The following HCRTR2 variants were observed in gnomAD, a reference collection of about 807,000 sequenced individuals.
The protein encoded by HCRTR2 is orexin receptor type 2.
Under a neutral mutation model 49.0 loss-of-function variants are expected in HCRTR2, and 22 were observed. The ratio of observed to expected loss-of-function variants is 0.45; its 90% CI spans 0.32 to 0.64. HCRTR2 has a LOEUF of 0.64. Among genes scored for constraint, HCRTR2 ranks in the 30% least tolerant of loss-of-function variants. HCRTR2 has a pLI of 0.04. For missense variants in HCRTR2, 491 were observed against 559.4 expected, an observed-to-expected ratio of 0.88 and a Z score of 1.23; for synonymous variants, 236 against 205.3, an observed-to-expected ratio of 1.15 and a Z score of -1.28.
intron 1 of HCRTR2, among the ~76,000 whole-genome samples, chr6:55,214,148 C>CCA (rs1266865755): frequency 7.9e-5 from 12 of 152,182 alleles, no homozygotes; most frequent in Admixed American, 2.6e-4. Context: ...GAAGAGATTA[C>CCA]AAGCTCCTGA....
At chr6:55,121,652 T>C (rs1400665103) in intron 1 of HCRTR2, among the ~76,000 whole-genome samples, 2 of 152,176 alleles carry the variant, frequency 1.3e-5, no homozygotes, top group East Asian at 3.9e-4. Flanking sequence ...CCTAACTTAT[T>C]GAGAATTTTT....
At chr6:55,135,089 G>A (rs1764415587) in intron 1 of HCRTR2, among the ~76,000 whole-genome samples, 1 of 152,016 alleles carries the variant, frequency 6.6e-6, no homozygotes, top group Non-Finnish European at 1.5e-5. Context: ...TAATGAAGCA[G>A]TGGAAAGATG....
At chr6:55,250,156 A>C (rs1471122233) in intron 2 of HCRTR2, among the ~76,000 whole-genome samples, 1 of 152,130 alleles carries the variant, frequency 6.6e-6, no homozygotes, top group Admixed American at 6.6e-5. Context: ...AGCTCCATGC[A>C]TATATTATGT....
intron 1 of HCRTR2, among the ~76,000 whole-genome samples, chr6:55,247,247 C>T (rs570159076): frequency 3.9e-5 from 6 of 152,066 alleles, no homozygotes; most frequent in African/African-American, 1.4e-4. Flanking sequence ...TTAAGGTTCA[C>T]CTGAGTTTTG....
intron 1 of HCRTR2, among the ~76,000 whole-genome samples, chr6:55,143,304 T>C (rs34162320): frequency 6.6e-6 from 1 of 152,098 alleles, no homozygotes. Context: ...TCTTCTTTTG[T>C]ATTTTTCCCT....
In HCRTR2 at chr6:55,155,859, A is replaced by G. The variant is rs181680422; in HGVS notation, c.-377-18352A>G. The stretch of plus-strand genomic sequence containing the variant: ...AAAGTTTGATTCATCTTATCTATAT[A>G]AGCATGAGAGAAATACCTAGATGAG... On this transcript the variant is annotated intron_variant, in intron 1 of 7. Coordinates refer to the HCRTR2 transcript ENST00000615358. Among the ~76,000 whole-genome samples, 3 of 152,130 alleles carry G rather than the reference A, an allele frequency of 2.0e-5. No homozygotes were observed. In the East Asian group the frequency reaches 5.8e-4, roughly 29 times the overall value.
intron 1 of HCRTR2, among the ~76,000 whole-genome samples, chr6:55,124,795 G>T (rs1001683255): frequency 6.6e-6 from 1 of 152,142 alleles, no homozygotes; most frequent in Non-Finnish European, 1.5e-5. Context: ...GTTTGCTCCT[G>T]TATTTGATGC....
chr6:55,193,650 G>A (rs1765359857), intron 1 of HCRTR2, among the ~76,000 whole-genome samples: 1 of 147,868 alleles, frequency 6.8e-6, no homozygotes, highest in African/African-American at 2.5e-5. Context: ...CCATTTTTCT[G>A]TTTTACCTAT....
chr6:55,123,403 A>T (rs995316787), intron 1 of HCRTR2, among the ~76,000 whole-genome samples: 1 of 152,088 alleles, frequency 6.6e-6, no homozygotes, highest in Non-Finnish European at 1.5e-5. Context: ...TTTGTCATTG[A>T]TTCTGTTTAT....
intron 1 of HCRTR2, among the ~76,000 whole-genome samples, chr6:55,149,031 A>G (rs73743257): frequency 0.013 from 1,988 of 152,192 alleles, 47 homozygotes; most frequent in African/African-American, 0.045. Context: ...AAACATTTGC[A>G]TGAATACTTA....
rs187209146 is a variant in HCRTR2 at position 55,161,681 on chromosome 6, A to G, written c.-377-12530A>G. 1.1e-4 allele frequency among the ~76,000 whole-genome samples: 17 copies of G among 152,310 alleles called. No individual in the cohort carries two copies. In the East Asian group the frequency reaches 3.3e-3, roughly 29 times the overall value. ...CACTGATCCCACAGAAATACAAACT[A>G]CCATCAGAGAATACTATAGACACCT... is the stretch of plus-strand genomic sequence containing the variant. On this transcript the variant is annotated intron_variant, in intron 1 of 7. Coordinates refer to the HCRTR2 transcript ENST00000615358.
chr6:55,173,160 A>T (rs4609033), upstream of HCRTR2, among the ~76,000 whole-genome samples: 1 of 152,130 alleles, frequency 6.6e-6, no homozygotes, highest in African/African-American at 2.4e-5. Context: ...GTCATGTGGA[A>T]GATTTATTCT....
At chr6:55,244,739 A>G (rs1468997463) in intron 1 of HCRTR2, among the ~76,000 whole-genome samples, 1 of 151,998 alleles carries the variant, frequency 6.6e-6, no homozygotes, top group East Asian at 1.9e-4. Context: ...GTAGTTCTGA[A>G]TAGTCCATTT....
intron 1 of HCRTR2, among the ~76,000 whole-genome samples, chr6:55,218,445 C>G (rs1423573978): frequency 6.6e-6 from 1 of 152,106 alleles, no homozygotes; most frequent in Non-Finnish European, 1.5e-5. Flanking sequence ...GAACTAAACT[C>G]AAACAAAAGA....
chr6:55,189,234 G>C (rs1032100720), intron 1 of HCRTR2, among the ~76,000 whole-genome samples: 1 of 152,142 alleles, frequency 6.6e-6, no homozygotes, highest in Non-Finnish European at 1.5e-5. Flanking sequence ...TGTTATATCA[G>C]AGTTTCCTAA....
At chr6:55,161,075 C>T (rs1249927031) in intron 1 of HCRTR2, among the ~76,000 whole-genome samples, 3 of 151,954 alleles carry the variant, frequency 2.0e-5, no homozygotes, top group East Asian at 1.9e-4. Context: ...TTGACCACAT[C>T]ATTGGAAGTA....
intron 1 of HCRTR2, among the ~76,000 whole-genome samples, chr6:55,168,723 G>A (rs943388500): frequency 1.4e-5 from 2 of 148,014 alleles, no homozygotes; most frequent in African/African-American, 4.9e-5. Flanking sequence ...ATGCCACCAT[G>A]CCTGGGTAAT....
At chr6:55,145,417 G>GT (rs11284230) in intron 1 of HCRTR2, among the ~76,000 whole-genome samples, 3,009 of 128,716 alleles carry the variant, frequency 0.023, 77 homozygotes, top group African/African-American at 0.068. Flanking sequence ...TTTTTTGTTT[G>GT]TTTTTTTTTT....
chr6:55,264,960 A>T (rs903646344), intron 4 of HCRTR2, among the ~76,000 whole-genome samples: 3 of 152,164 alleles, frequency 2.0e-5, no homozygotes, highest in Middle Eastern at 3.4e-3. Flanking sequence ...AACACTTGTT[A>T]TTCAAAGCAT....
Sources: gnomAD v4.1 joint callset for allele counts (sites outside exome capture counted in the v4.1 genomes callset) on GRCh38, gnomAD v4.1.1 for gene constraint, MANE v1.5 for transcripts, NCBI Gene and HGNC (gene_info 2026-07-23, HGNC 2026-07-21) for gene names.